The following GRIK4 variants were observed in gnomAD, a reference collection of about 807,000 sequenced individuals.
The protein encoded by GRIK4 is glutamate ionotropic receptor kainate type subunit 4, also known as glutamate receptor ionotropic, kainate 4.
A neutral mutation model predicts 104.9 loss-of-function variants in GRIK4; 40 were observed. That is an observed-to-expected ratio of 0.38 (90% CI 0.30 to 0.50). The LOEUF is 0.50. Ranked by LOEUF, GRIK4 falls within the 20% of genes least tolerant of loss-of-function variation. The probability of loss-of-function intolerance (pLI) is 0.93; values close to 1 mark genes in which losing one functional copy is unlikely to be tolerated. For synonymous variants in GRIK4, 485 were observed against 524.9 expected (o/e 0.92, Z 1.04); for missense variants, 1,047 against 1,308.1 (o/e 0.80, Z 3.08).
chr11:120,614,583 C>T (rs1376166325), intron 1 of GRIK4, among the ~76,000 whole-genome samples: 1 of 152,200 alleles, frequency 6.6e-6, no homozygotes, highest in Non-Finnish European at 1.5e-5. Flanking sequence ...TTGGCCATTG[C>T]AGTGAAGACA....
At chr11:120,664,054 T>A (rs1241473003) in intron 3 of GRIK4, among the ~76,000 whole-genome samples, 2 of 152,234 alleles carry the variant, frequency 1.3e-5, no homozygotes, top group Non-Finnish European at 2.9e-5. Context: ...CAACACATGA[T>A]GCAAAGAAGT....
At chr11:120,604,740 G>T (rs570739340) in intron 1 of GRIK4, among the ~76,000 whole-genome samples, 61 of 152,368 alleles carry the variant, frequency 4.0e-4, no homozygotes, top group African/African-American at 1.4e-3. Flanking sequence ...GGCTGCATTG[G>T]TGGTTCCCAA....
At chr11:120,660,533 G>T (rs1200916639) in intron 3 of GRIK4, 133 bp downstream of exon 3, 3 of 660,474 alleles carry the variant, frequency 4.5e-6, no homozygotes, top group Non-Finnish European at 7.8e-6. Context: ...TGTGGCTGGG[G>T]TGAACATGCA....
intron 2 of GRIK4, among the ~76,000 whole-genome samples, chr11:120,659,563 A>G (rs915855611): frequency 2.6e-5 from 4 of 152,166 alleles, no homozygotes; most frequent in Non-Finnish European, 5.9e-5. Context: ...GACCTTGTGA[A>G]GGCCACACAA....
chr11:120,875,589 G>A (rs1954762340), intron 11 of GRIK4, among the ~76,000 whole-genome samples: 1 of 152,152 alleles, frequency 6.6e-6, no homozygotes, highest in South Asian at 2.1e-4. Context: ...TGCTGGCAAG[G>A]CAGAGACTGT....
chr11:120,747,466 G>C (rs531400825), intron 3 of GRIK4, among the ~76,000 whole-genome samples: 1 of 152,210 alleles, frequency 6.6e-6, no homozygotes, highest in Non-Finnish European at 1.5e-5. Flanking sequence ...GAAGCCAGAA[G>C]TGATGGAAAA....
At chr11:120,864,271 T>C (rs1214491245) in intron 9 of GRIK4, among the ~76,000 whole-genome samples, 3 of 151,564 alleles carry the variant, frequency 2.0e-5, no homozygotes, top group Admixed American at 6.6e-5. Context: ...GATGGAGTCT[T>C]GCTCTTTCGC....
chr11:120,551,803 A>AAATG (rs1565546925), intron 1 of GRIK4, among the ~76,000 whole-genome samples: 1 of 151,982 alleles, frequency 6.6e-6, no homozygotes, highest in African/African-American at 2.4e-5. Flanking sequence ...ATAAATAAAT[A>AAATG]AATAAAATTT....
At chr11:120,965,223 A>T (rs1591340790) in intron 18 of GRIK4, among the ~76,000 whole-genome samples, 2 of 152,228 alleles carry the variant, frequency 1.3e-5, no homozygotes, top group Non-Finnish European at 2.9e-5. Flanking sequence ...GTAGGTAACC[A>T]AGGAGTAAGC....
chr11:120,926,476 GTA>G (rs1250669463), intron 13 of GRIK4, among the ~76,000 whole-genome samples: 1 of 152,152 alleles, frequency 6.6e-6, no homozygotes, highest in Non-Finnish European at 1.5e-5. Context: ...TACCTACAAA[GTA>G]TGTAATATTA....
intron 3 of GRIK4, among the ~76,000 whole-genome samples, chr11:120,701,725 C>T (rs1476066237): frequency 1.3e-5 from 2 of 152,130 alleles, no homozygotes; most frequent in African/African-American, 4.8e-5. Flanking sequence ...TTAAAGGGAT[C>T]ACTCCAGTTG....
At chr11:120,522,057 C>A (rs572778004) in intron 1 of GRIK4, among the ~76,000 whole-genome samples, 1 of 152,304 alleles carries the variant, frequency 6.6e-6, no homozygotes, top group South Asian at 2.1e-4. Context: ...AAATACATAA[C>A]CACAGAGGTT....
At chr11:120,696,528 G>T (rs1221949665) in intron 3 of GRIK4, among the ~76,000 whole-genome samples, 1 of 126,760 alleles carries the variant, frequency 7.9e-6, no homozygotes, top group Non-Finnish European at 1.6e-5. Context: ...ATCTGGGGGG[G>T]CCCAAGGTGA....
chr11:120,845,062 A>T (rs527930474), intron 8 of GRIK4, among the ~76,000 whole-genome samples: 1 of 152,320 alleles, frequency 6.6e-6, no homozygotes, highest in African/African-American at 2.4e-5. Context: ...GCCAGAACCC[A>T]AGGGTCTTTA....
At chr11:120,733,938 A>G (rs936483900) in intron 3 of GRIK4, among the ~76,000 whole-genome samples, 8 of 151,938 alleles carry the variant, frequency 5.3e-5, no homozygotes, top group Non-Finnish European at 1.2e-4. Flanking sequence ...GGGTTTCATC[A>G]TGTTGGCCAG....
intron 1 of GRIK4, among the ~76,000 whole-genome samples, chr11:120,617,240 G>C (rs1464952277): frequency 6.6e-6 from 1 of 152,138 alleles, no homozygotes; most frequent in African/African-American, 2.4e-5. Flanking sequence ...GCTTTCCATT[G>C]TTTTCTTAGT....
chr11:120,673,499 A>G (rs1241230500), intron 3 of GRIK4, among the ~76,000 whole-genome samples: 1 of 152,164 alleles, frequency 6.6e-6, no homozygotes, highest in Non-Finnish European at 1.5e-5. Flanking sequence ...ATTTGGAGGA[A>G]GCCCAAGCCA....
intron 13 of GRIK4, among the ~76,000 whole-genome samples, chr11:120,908,232 G>C (rs951330406): frequency 6.6e-6 from 1 of 152,056 alleles, no homozygotes; most frequent in African/African-American, 2.4e-5. Flanking sequence ...TTTAAGCCCT[G>C]GTCTGTCTGA....
At chr11:120,518,993 ATTGT>A (rs1302921688) in intron 1 of GRIK4, among the ~76,000 whole-genome samples, 3 of 152,258 alleles carry the variant, frequency 2.0e-5, no homozygotes, top group Admixed American at 6.5e-5. Context: ...GCTTCAACAA[ATTGT>A]TTGGTCCAGT....
Sources: gnomAD v4.1 joint callset for allele counts (sites outside exome capture counted in the v4.1 genomes callset) on GRCh38, gnomAD v4.1.1 for gene constraint, MANE v1.5 for transcripts, NCBI Gene and HGNC (gene_info 2026-07-23, HGNC 2026-07-21) for gene names.